ANKAR: variants seen among roughly 807,000 people sequenced by gnomAD.
ANKAR encodes ankyrin and armadillo repeat-containing protein.
A neutral mutation model predicts 146.2 loss-of-function variants in ANKAR; 136 were observed. That is an observed-to-expected ratio of 0.93 (90% CI 0.81 to 1.07). The LOEUF (loss-of-function observed/expected upper bound fraction) is 1.07, where lower values mean the gene tolerates loss of function less well. ANKAR is among the 50% of genes least tolerant of loss of function. The pLI is 0.00. For missense variants in ANKAR, 1,567 were observed against 1,679.9 expected, an observed-to-expected ratio of 0.93 and a Z score of 1.18; for synonymous variants, 500 against 575.8, an observed-to-expected ratio of 0.87 and a Z score of 1.88.
At position 189,688,390 on chromosome 2, in the gene ANKAR, T is replaced by C. The variant is rs182514694; in HGVS notation, c.602-1137T>C. ...TGCAATATACTTTGAAGTCAGGTAA[T>C]GTAATTCCTCCAGTTTTGTTCTTTT... On this transcript the variant is annotated intron_variant, in intron 2 of 22. Coordinates refer to ENST00000684021, the MANE Select transcript of ANKAR (RefSeq NM_001378068.1). 8.5e-4 allele frequency among the ~76,000 whole-genome samples: 130 copies of C among 152,352 alleles called. 2 individuals are homozygous for C. The highest frequency in any genetic ancestry group is 6.2e-3 in the Admixed American group (95 of 15,300).
intron 2 of ANKAR, among the ~76,000 whole-genome samples, chr2:189,687,402 C>T (rs1376322552): frequency 3.9e-5 from 6 of 152,136 alleles, no homozygotes; most frequent in Non-Finnish European, 7.4e-5. Flanking sequence ...TTGATTATTA[C>T]GAACAGTGCT....
intron 2 of ANKAR, among the ~76,000 whole-genome samples, chr2:189,678,025 T>C (rs553759369): frequency 1.3e-5 from 2 of 152,248 alleles, no homozygotes; most frequent in Admixed American, 1.3e-4. Flanking sequence ...CTGTTTTCCA[T>C]AGTGGTTGTG....
At chr2:189,755,611 G>GA in intron 18 of ANKAR, 1 of 1,540,502 alleles carries the variant, frequency 6.5e-7, no homozygotes, top group Non-Finnish European at 8.7e-7. Flanking sequence ...TAAAAATGAA[G>GA]AAAAATGATA....
chr2:189,737,042 C>T (rs1269401014), intron 17 of ANKAR, among the ~76,000 whole-genome samples: 2 of 149,748 alleles, frequency 1.3e-5, no homozygotes, highest in African/African-American at 4.9e-5. Context: ...CCACTGCACT[C>T]TAGCCTGGGT....
intron 16 of ANKAR, 150 bp from the exon 17 acceptor site, chr2:189,732,957 C>G (rs1055544935): frequency 2.8e-6 from 2 of 721,918 alleles, no homozygotes; most frequent in Admixed American, 3.7e-5. Flanking sequence ...GCAGTTCTTT[C>G]GCTAGTAAGA....
chr2:189,742,628 A>G (rs1015249702), intron 20 of ANKAR, among the ~76,000 whole-genome samples: 3 of 152,058 alleles, frequency 2.0e-5, no homozygotes, highest in South Asian at 2.1e-4. Context: ...CAGCTTTCCT[A>G]TGTGTACCAC....
chr2:189,694,780 T>G (rs1474253403), intron 5 of ANKAR, among the ~76,000 whole-genome samples: 1 of 152,158 alleles, frequency 6.6e-6, no homozygotes, highest in African/African-American at 2.4e-5. Context: ...CAATACAATA[T>G]GAAGAAGGTA....
chr2:189,684,888 C>G (rs1371193687), intron 2 of ANKAR, among the ~76,000 whole-genome samples: 2 of 151,396 alleles, frequency 1.3e-5, no homozygotes, highest in African/African-American at 2.4e-5. Flanking sequence ...TCCCCTCATT[C>G]CCCTCATCCT....
chr2:189,754,672 C>T (rs746882286), intron 18 of ANKAR: 9 of 258,648 alleles, frequency 3.5e-5, no homozygotes, highest in Non-Finnish European at 6.4e-5. Context: ...TATTATTTCA[C>T]TGTGGGAAGC....
chr2:189,686,204 A>T (rs2105778560), intron 2 of ANKAR, among the ~76,000 whole-genome samples: 1 of 152,190 alleles, frequency 6.6e-6, no homozygotes, highest in Non-Finnish European at 1.5e-5. Context: ...TGGCCTTTTT[A>T]AAAAAAAGAT....
At chr2:189,746,673 T>A (rs747608806), downstream of ANKAR, 5 of 1,517,854 alleles carry the variant, frequency 3.3e-6, no homozygotes, top group South Asian at 2.7e-5. Context: ...CTTTTAAAAA[T>A]TTTTTTATTT....
In ANKAR at chr2:189,696,187, G is replaced by C. The variant is rs1381900692; in HGVS notation, c.1526G>C (p.Gly509Ala). The C allele has an allele frequency of 2.5e-6, 4 of 1,613,962 alleles. No homozygotes were observed. In the South Asian group the frequency reaches 3.3e-5, roughly 13 times the overall value. Residue 509 changes from glycine (G) to alanine (A), a missense_variant, in exon 7 of 23, where the codon GGG becomes GCG. Coordinates refer to ENST00000684021, the MANE Select transcript of ANKAR (RefSeq NM_001378068.1). ...GGTATGAAGTCCGCTGTTGAAAGAGGGTTGTCTGCAGTTTTCCACACATTT... is the reference window on the plus strand; with the variant it reads ...GGTATGAAGTCCGCTGTTGAAAGAGCGTTGTCTGCAGTTTTCCACACATTT... ...PFGMKSAVERGLSAVFHTFSR... is the reference protein window; with the variant it reads ...PFGMKSAVERALSAVFHTFSR...
chr2:189,685,030 A>G (rs2035341756), intron 2 of ANKAR, among the ~76,000 whole-genome samples: 1 of 151,668 alleles, frequency 6.6e-6, no homozygotes, highest in Admixed American at 6.6e-5. Context: ...TAAAGGGACA[A>G]GCTCTTACTC....
chr2:189,742,904 TGACACACACACACACACACACACACACA>T (rs2043530052), intron 20 of ANKAR, among the ~76,000 whole-genome samples: 3 of 10,542 alleles, frequency 2.8e-4, no homozygotes, highest in Non-Finnish European at 3.9e-4. Flanking sequence ...TAGAATTACC[TGACACACACACACACACACACACACACA>T]CACACACACA....
intron 10 of ANKAR, 60 bp from the exon 11 acceptor site, chr2:189,719,512 T>G (rs954391967): frequency 1.4e-6 from 2 of 1,407,146 alleles, no homozygotes; most frequent in African/African-American, 2.8e-5. Context: ...CATGATAAAT[T>G]GACTACAAAT....
chr2:189,731,379 T>TC (rs1479691767), intron 16 of ANKAR, among the ~76,000 whole-genome samples: 2 of 148,286 alleles, frequency 1.3e-5, no homozygotes, highest in Non-Finnish European at 3.0e-5. Flanking sequence ...CTTTTTTCTT[T>TC]TTTTTTTTTT....
At chr2:189,715,557 G>A (rs948571154) in intron 10 of ANKAR, among the ~76,000 whole-genome samples, 1 of 152,156 alleles carries the variant, frequency 6.6e-6, no homozygotes, top group African/African-American at 2.4e-5. Flanking sequence ...TCAGTCAATA[G>A]AAAAAGAGGG....
chr2:189,738,715 A>T, intron 19 of ANKAR, 33 bp downstream of exon 19: 1 of 1,352,514 alleles, frequency 7.4e-7, no homozygotes, highest in Non-Finnish European at 1.0e-6. Context: ...TTTTAGCCAC[A>T]TAAAACTATT....
At chr2:189,754,606 T>G (rs1318310348) in intron 18 of ANKAR, 1 of 431,400 alleles carries the variant, frequency 2.3e-6, no homozygotes, top group South Asian at 3.8e-5. Context: ...GGGCTTGAAG[T>G]TGACAATAAC....
Sources: gnomAD v4.1 joint callset for allele counts (sites outside exome capture counted in the v4.1 genomes callset) on GRCh38, gnomAD v4.1.1 for gene constraint, MANE v1.5 for transcripts, NCBI Gene and HGNC (gene_info 2026-07-23, HGNC 2026-07-21) for gene names.